The following ADGRL3 variants were observed in gnomAD, a reference collection of about 807,000 sequenced individuals.
ADGRL3 encodes the protein adhesion G protein-coupled receptor L3, also known as calcium-independent alpha-latrotoxin receptor 3.
In ADGRL3, 62 loss-of-function variants were observed where a neutral mutation model predicts 153.5. The ratio of observed to expected loss-of-function variants is 0.40; its 90% CI spans 0.33 to 0.50. The LOEUF is 0.50. Ranked by LOEUF, ADGRL3 falls within the 20% of genes least tolerant of loss-of-function variation. The probability of loss-of-function intolerance (pLI) is 0.47; values close to 1 mark genes in which losing one functional copy is unlikely to be tolerated. For missense variants in ADGRL3, 1,641 were observed against 1,859.4 expected (o/e 0.88, Z 2.16); for synonymous variants, 710 against 672.5 (o/e 1.06, Z -0.86).
chr4:61,905,601 T>A (rs1166197119), intron 11 of ADGRL3, among the ~76,000 whole-genome samples: 2 of 152,020 alleles, frequency 1.3e-5, no homozygotes, highest in Non-Finnish European at 2.9e-5. Flanking sequence ...TTTAAGAATT[T>A]CTCGAAAGTT....
At chr4:61,519,059 G>T (rs971398466) in intron 4 of ADGRL3, among the ~76,000 whole-genome samples, 5 of 152,006 alleles carry the variant, frequency 3.3e-5, no homozygotes, top group African/African-American at 1.2e-4. Context: ...CTAGAATTAA[G>T]AAGAAATACA....
chr4:62,054,934 C>CTCTA (rs145454869), intron 25 of ADGRL3, among the ~76,000 whole-genome samples: 3,998 of 151,674 alleles, frequency 0.026, 183 homozygotes, highest in African/African-American at 0.093. Context: ...CCATTTCATA[C>CTCTA]TCTGATTGGC....
chr4:61,342,767 AT>A (rs2095832058), intron 1 of ADGRL3, among the ~76,000 whole-genome samples: 1 of 152,136 alleles, frequency 6.6e-6, no homozygotes, highest in African/African-American at 2.4e-5. Flanking sequence ...AACAGCCATA[AT>A]TTTAACACAT....
intron 2 of ADGRL3, among the ~76,000 whole-genome samples, chr4:61,404,520 G>A (rs935911539): frequency 1.6e-4 from 25 of 152,024 alleles, no homozygotes; most frequent in African/African-American, 5.8e-4. Context: ...ACCTGAAAAA[G>A]CATAGAATCA....
chr4:61,875,252 G>A (rs1457082643), intron 9 of ADGRL3, among the ~76,000 whole-genome samples: 2 of 152,116 alleles, frequency 1.3e-5, no homozygotes, highest in African/African-American at 4.8e-5. Context: ...GGGGTTGGAG[G>A]ATTGAGGAAT....
intron 2 of ADGRL3, among the ~76,000 whole-genome samples, chr4:61,486,977 A>G (rs943169393): frequency 1.3e-5 from 2 of 152,198 alleles, no homozygotes; most frequent in African/African-American, 4.8e-5. Flanking sequence ...CAGAGTGAAG[A>G]TATTGAAGGC....
At chr4:61,356,386 C>CTG (rs934734242) in intron 1 of ADGRL3, among the ~76,000 whole-genome samples, 2 of 151,800 alleles carry the variant, frequency 1.3e-5, no homozygotes, top group African/African-American at 4.8e-5. Flanking sequence ...AAATGGAACA[C>CTG]TGTTTTGTTA....
chr4:61,786,046 A>G (rs2097272397), intron 8 of ADGRL3, among the ~76,000 whole-genome samples: 1 of 152,096 alleles, frequency 6.6e-6, no homozygotes, highest in South Asian at 2.1e-4. Flanking sequence ...AGATTTTTTT[A>G]TGTGCTTAAA....
intron 9 of ADGRL3, among the ~76,000 whole-genome samples, chr4:61,860,056 A>C (rs1208655007): frequency 6.6e-6 from 1 of 152,194 alleles, no homozygotes; most frequent in African/African-American, 2.4e-5. Context: ...GTGTATATCA[A>C]TGTTTACTGT....
chr4:61,226,280 T>C (rs772948059), intron 1 of ADGRL3, among the ~76,000 whole-genome samples: 1 of 152,212 alleles, frequency 6.6e-6, no homozygotes, highest in Non-Finnish European at 1.5e-5. Context: ...CTGTGATTAA[T>C]GACTACTTTT....
chr4:61,372,447 C>G (rs565249522), intron 1 of ADGRL3, among the ~76,000 whole-genome samples: 173 of 152,176 alleles, frequency 1.1e-3, no homozygotes, highest in African/African-American at 3.6e-3. Context: ...TTCCTTCTAA[C>G]AGACAGGACC....
At chr4:61,608,241 G>A (rs2099040231) in intron 5 of ADGRL3, among the ~76,000 whole-genome samples, 1 of 152,150 alleles carries the variant, frequency 6.6e-6, no homozygotes, top group African/African-American at 2.4e-5. Context: ...TGTTCCATCT[G>A]ATCCAGTCAT....
intron 17 of ADGRL3, among the ~76,000 whole-genome samples, chr4:61,952,294 T>C (rs1343949007): frequency 6.6e-6 from 1 of 151,794 alleles, no homozygotes; most frequent in Non-Finnish European, 1.5e-5. Context: ...CTGGGCAACA[T>C]AGTGAAACCT....
intron 9 of ADGRL3, among the ~76,000 whole-genome samples, chr4:61,845,287 T>C (rs2098101828): frequency 6.6e-6 from 1 of 151,920 alleles, no homozygotes; most frequent in Non-Finnish European, 1.5e-5. Flanking sequence ...CCCATTATCT[T>C]TTTCTCTTCT....
intron 21 of ADGRL3, among the ~76,000 whole-genome samples, chr4:62,004,005 T>A (rs1208574209): frequency 2.6e-5 from 4 of 152,106 alleles, no homozygotes; most frequent in Non-Finnish European, 5.9e-5. Flanking sequence ...TAACTTATTA[T>A]ATTTCTTAAG....
chr4:61,712,342 A>G (rs951527228), intron 6 of ADGRL3, among the ~76,000 whole-genome samples: 5 of 152,086 alleles, frequency 3.3e-5, no homozygotes, highest in African/African-American at 1.2e-4. Flanking sequence ...ACTGTGAGGC[A>G]TGATTTTGCC....
chr4:61,354,876 G>T (rs2096131785), intron 1 of ADGRL3, among the ~76,000 whole-genome samples: 2 of 152,054 alleles, frequency 1.3e-5, no homozygotes, highest in South Asian at 4.1e-4. Flanking sequence ...ATAGTTTTGT[G>T]ACCTTTGTTT....
rs547843975 is a variant in ADGRL3, at chr4:61,372,631, A to T, written c.-239-10493A>T. Among the ~76,000 whole-genome samples the T allele has an allele frequency of 1.4e-4, 21 of 152,266 alleles. No individual in the cohort carries two copies. In the South Asian group the frequency reaches 4.4e-3, roughly 32 times the overall value. On this transcript the variant is annotated intron_variant, in intron 1 of 26. Transcript: ENST00000683033. ...GCTGGGAGAACCACTGCTCTCTTCA[A>T]AGCTGTCAGACAAGGACGTTTAAGT...
chr4:61,987,873 A>G (rs956132523), intron 19 of ADGRL3, among the ~76,000 whole-genome samples: 7 of 151,988 alleles, frequency 4.6e-5, no homozygotes, highest in East Asian at 1.9e-4. Context: ...TTTCTCTCCT[A>G]TTAATGTATT....
Sources: gnomAD v4.1 joint callset for allele counts (sites outside exome capture counted in the v4.1 genomes callset) on GRCh38, gnomAD v4.1.1 for gene constraint, MANE v1.5 for transcripts, NCBI Gene and HGNC (gene_info 2026-07-23, HGNC 2026-07-21) for gene names.